Variants in RBMS3 observed in about 807,000 individuals in gnomAD.
The protein encoded by RBMS3 is RNA binding motif single stranded interacting protein 3.
Under a neutral mutation model 66.8 loss-of-function variants are expected in RBMS3, and 27 were observed. That is an observed-to-expected ratio of 0.40 (90% CI 0.30 to 0.56). The LOEUF is 0.56. Among genes scored for constraint, RBMS3 ranks in the 20% least tolerant of loss-of-function variants. The pLI, the probability that RBMS3 is intolerant of heterozygous loss-of-function variation, is 0.40. For synonymous variants in RBMS3, 188 were observed against 183.0 expected, an observed-to-expected ratio of 1.03 and a Z score of -0.22; for missense variants, 513 against 549.5, an observed-to-expected ratio of 0.93 and a Z score of 0.66.
At chr3:29,560,522 A>T (rs2046513261) in intron 3 of RBMS3, among the ~76,000 whole-genome samples, 1 of 152,262 alleles carries the variant, frequency 6.6e-6, no homozygotes, top group South Asian at 2.1e-4. Context: ...ATAAGGGAAC[A>T]GTCATTATTA....
chr3:29,774,873 C>T (rs1046561158), intron 6 of RBMS3, among the ~76,000 whole-genome samples: 8 of 150,588 alleles, frequency 5.3e-5, no homozygotes, highest in African/African-American at 1.9e-4. Context: ...TGATTTATGT[C>T]AATATGTAAC....
chr3:29,964,413 A>G (rs571095560), intron 12 of RBMS3, among the ~76,000 whole-genome samples: 21 of 152,212 alleles, frequency 1.4e-4, no homozygotes, highest in Non-Finnish European at 2.6e-4. Context: ...GATACATTAG[A>G]TCTAGTGGCA....
intron 4 of RBMS3, among the ~76,000 whole-genome samples, chr3:29,621,849 G>GA (rs901238911): frequency 2.0e-5 from 3 of 151,962 alleles, no homozygotes; most frequent in African/African-American, 2.4e-5. Flanking sequence ...GTAGAAAAAA[G>GA]AAAAAAACCC....
At chr3:29,551,617 C>T (rs1217717885) in intron 3 of RBMS3, among the ~76,000 whole-genome samples, 2 of 152,152 alleles carry the variant, frequency 1.3e-5, no homozygotes, top group East Asian at 3.8e-4. Context: ...GGCAAGTTTT[C>T]ATTACAGGAC....
At chr3:29,692,237 C>A (rs1244288188) in intron 4 of RBMS3, among the ~76,000 whole-genome samples, 3 of 151,948 alleles carry the variant, frequency 2.0e-5, no homozygotes, top group Admixed American at 1.3e-4. Flanking sequence ...CTGCCTTGGC[C>A]TCCCAAAGTG....
chr3:29,672,883 G>A (rs944166559), intron 4 of RBMS3, among the ~76,000 whole-genome samples: 6 of 152,064 alleles, frequency 3.9e-5, no homozygotes, highest in Non-Finnish European at 8.8e-5. Context: ...AGACAGAAAG[G>A]TAACAAGGAT....
intron 5 of RBMS3, among the ~76,000 whole-genome samples, chr3:29,740,765 G>C (rs1359731504): frequency 6.6e-6 from 1 of 152,208 alleles, no homozygotes; most frequent in Non-Finnish European, 1.5e-5. Flanking sequence ...TCTAGGGCCA[G>C]GCAGGGTGGC....
At chr3:29,665,759 C>CA (rs1240620274) in intron 4 of RBMS3, among the ~76,000 whole-genome samples, 9 of 152,028 alleles carry the variant, frequency 5.9e-5, no homozygotes, top group South Asian at 2.1e-4. Flanking sequence ...GCTCCCAGAG[C>CA]AAAAAAATTA....
intron 2 of RBMS3, among the ~76,000 whole-genome samples, chr3:29,442,180 A>G (rs1026146840): frequency 6.6e-6 from 1 of 152,022 alleles, no homozygotes; most frequent in African/African-American, 2.4e-5. Context: ...TCCTATTTTG[A>G]CTCATATGAT....
Position 29,842,002 on chromosome 3 carries a change from A to C in RBMS3, c.638-26856A>C, listed in dbSNP as rs34408731. Among the ~76,000 whole-genome samples, 474 of 152,028 alleles carry C rather than the reference A, an allele frequency of 3.1e-3. 3 individuals are homozygous for C. The highest frequency in any genetic ancestry group is 3.9e-3 in the Non-Finnish European group (263 of 67,872). On this transcript the variant is annotated intron_variant, in intron 6 of 14. Transcript: ENST00000383767. ...GTGTCTTTTCTTATTTTTGCTAATG[A>C]CTGCAAAAAATGAAGATCTCCACAA...
At chr3:29,346,918 A>G (rs1056005388) in intron 1 of RBMS3, among the ~76,000 whole-genome samples, 6 of 152,218 alleles carry the variant, frequency 3.9e-5, no homozygotes, top group South Asian at 4.1e-4. Flanking sequence ...GCCTGCAAAC[A>G]TAACATTTAA....
intron 2 of RBMS3, among the ~76,000 whole-genome samples, chr3:29,455,802 A>AT (rs2042170700): frequency 6.6e-6 from 1 of 150,778 alleles, no homozygotes. Flanking sequence ...ACACACACGC[A>AT]CAAAAAAAAA....
intron 12 of RBMS3, among the ~76,000 whole-genome samples, chr3:29,965,584 T>C (rs922133253): frequency 6.6e-6 from 1 of 152,160 alleles, no homozygotes; most frequent in African/African-American, 2.4e-5. Flanking sequence ...TGTTTGGTTT[T>C]TTCTTACTGA....
At chr3:29,555,270 T>G (rs2046316986) in intron 3 of RBMS3, among the ~76,000 whole-genome samples, 1 of 152,214 alleles carries the variant, frequency 6.6e-6, no homozygotes. Flanking sequence ...TACAGACCAA[T>G]GTGTTAGAGA....
At chr3:29,808,352 A>G (rs1223538396) in intron 6 of RBMS3, among the ~76,000 whole-genome samples, 1 of 151,878 alleles carries the variant, frequency 6.6e-6, no homozygotes, top group African/African-American at 2.4e-5. Context: ...CTTTTTGCCT[A>G]TTAATGTATC....
At chr3:29,617,819 ATATT>A (rs2048720596) in intron 4 of RBMS3, among the ~76,000 whole-genome samples, 1 of 152,162 alleles carries the variant, frequency 6.6e-6, no homozygotes, top group Admixed American at 6.5e-5. Flanking sequence ...CTTCCTACAA[ATATT>A]TATTATGATT....
At chr3:29,680,772 G>A (rs1220707230) in intron 4 of RBMS3, among the ~76,000 whole-genome samples, 1 of 151,894 alleles carries the variant, frequency 6.6e-6, no homozygotes, top group Non-Finnish European at 1.5e-5. Context: ...TCTATTACAG[G>A]TATCAGTACA....
chr3:29,790,683 T>A (rs2056980939), intron 6 of RBMS3, among the ~76,000 whole-genome samples: 1 of 152,166 alleles, frequency 6.6e-6, no homozygotes, highest in South Asian at 2.1e-4. Flanking sequence ...AATTAAACAT[T>A]CAGGAAAGTG....
chr3:29,396,640 C>G (rs1477052041), intron 1 of RBMS3, among the ~76,000 whole-genome samples: 1 of 152,112 alleles, frequency 6.6e-6, no homozygotes, highest in Admixed American at 6.6e-5. Context: ...ACAAATAAAT[C>G]TAGATCTAGA....
Sources: gnomAD v4.1 joint callset for allele counts (sites outside exome capture counted in the v4.1 genomes callset) on GRCh38, gnomAD v4.1.1 for gene constraint, MANE v1.5 for transcripts, NCBI Gene and HGNC (gene_info 2026-07-23, HGNC 2026-07-21) for gene names.